Variants in SIAE observed in about 807,000 individuals in gnomAD.
SIAE encodes the protein sialate O-acetylesterase.
Under a neutral mutation model 52.6 loss-of-function variants are expected in SIAE, and 39 were observed. The observed-to-expected ratio is 0.74, with a 90% CI of 0.57 to 0.97. SIAE has a LOEUF of 0.97. Ranked by LOEUF, SIAE falls within the 50% of genes least tolerant of loss-of-function variation. SIAE has a pLI of 0.00. For missense variants in SIAE, 592 were observed against 662.1 expected (o/e 0.89, Z 1.16); for synonymous variants, 233 against 241.4 (o/e 0.97, Z 0.32).
At chr11:124,669,568 A>T in intron 1 of SIAE, 47 bp from the exon 2 acceptor site, 4 of 1,542,362 alleles carry the variant, frequency 2.6e-6, no homozygotes, top group Non-Finnish European at 3.6e-6. Flanking sequence ...GGAGAGATAT[A>T]GCACCAACTG....
chr11:124,639,631 G>GC lies in SIAE; in HGVS notation c.1124+78dup, dbSNP rs1942810853. The GC allele has an allele frequency of 4.5e-5, 71 of 1,585,356 alleles. No individual in the cohort carries two copies. In the South Asian group the frequency reaches 7.5e-4, roughly 17 times the overall value. On this transcript the variant is annotated intron_variant, in intron 8 of 9. Transcript: ENST00000263593. ...TTAAGTGCCAATCCTCAGTCTAATTGCCCCTCACCGGTGAACATCAGAGTG... is the reference window on the plus strand; with the variant it reads ...TTAAGTGCCAATCCTCAGTCTAATTGCCCCCTCACCGGTGAACATCAGAGTG...
At chr11:124,659,912 C>T (rs1565415777) in intron 3 of SIAE, 1 of 152,128 alleles carries the variant, frequency 6.6e-6, no homozygotes, top group African/African-American at 2.4e-5. Context: ...ATAAATTTTT[C>T]AAAAAGAGAT....
chr11:124,646,975 G>C (rs1225368668), intron 7 of SIAE, among the ~76,000 whole-genome samples: 1 of 152,098 alleles, frequency 6.6e-6, no homozygotes, highest in Non-Finnish European at 1.5e-5. Context: ...TACTTTTAGA[G>C]AAAAATGCAA....
upstream of SIAE, chr11:124,675,567 G>T (rs1315430031): frequency 1.4e-6 from 1 of 739,452 alleles, no homozygotes; most frequent in Non-Finnish European, 2.1e-6. Flanking sequence ...GAAACAGTAT[G>T]TACCTCTTTG....
At position 124,636,838 on chromosome 11, in the gene SIAE, C is replaced by G; in HGVS notation, c.*113G>C. 6.9e-7 allele frequency: 1 copy of G among 1,456,218 alleles called. No homozygotes were observed. The highest frequency in any genetic ancestry group is 9.6e-7 in the Non-Finnish European group (1 of 1,040,524). The allele number at this position is 1,456,218 out of a possible 1,614,324, so 90.2% of individuals were successfully genotyped here. A position where few individuals can be genotyped will look rare whatever the true frequency, so the allele number is the denominator to read the frequency against. On this transcript the variant is annotated 3_prime_UTR_variant, in exon 10 of 10. Coordinates refer to ENST00000263593, the MANE Select transcript of SIAE (RefSeq NM_170601.5). Reference sequence around the variant, plus strand: ...AGCCATGTGCTAGCTGAAAGCCATTCAATGAGGCTTTCTATTAATTTCCTT... The same window carrying G: ...AGCCATGTGCTAGCTGAAAGCCATTGAATGAGGCTTTCTATTAATTTCCTT...
At chr11:124,655,874 G>A (rs1174937546) in intron 3 of SIAE, among the ~76,000 whole-genome samples, 1 of 152,038 alleles carries the variant, frequency 6.6e-6, no homozygotes, top group African/African-American at 2.4e-5. Flanking sequence ...TATATGTTAA[G>A]CAACCCTAAT....
intron 2 of SIAE, among the ~76,000 whole-genome samples, chr11:124,662,130 G>A (rs1334645311): frequency 6.6e-6 from 1 of 152,228 alleles, no homozygotes; most frequent in East Asian, 1.9e-4. Flanking sequence ...TCCCTAAGAG[G>A]TTAATTAAAT....
chr11:124,637,587 C>T (rs1942771127), intron 9 of SIAE, among the ~76,000 whole-genome samples: 1 of 152,132 alleles, frequency 6.6e-6, no homozygotes, highest in Admixed American at 6.5e-5. Flanking sequence ...CGCTCTGGCA[C>T]TCCCAGAGCC....
intron 3 of SIAE, chr11:124,659,934 A>T (rs1943161975): frequency 6.6e-6 from 1 of 152,504 alleles, no homozygotes; most frequent in Non-Finnish European, 1.5e-5. Flanking sequence ...AATTGAGTTA[A>T]CGGTCTAGTT....
intron 7 of SIAE, among the ~76,000 whole-genome samples, chr11:124,647,086 T>C (rs1942946108): frequency 6.6e-6 from 1 of 152,244 alleles, no homozygotes; most frequent in Admixed American, 6.5e-5. Flanking sequence ...TTTGCTTATC[T>C]TTTTAATATT....
At chr11:124,657,902 C>G (rs1565414927) in intron 3 of SIAE, among the ~76,000 whole-genome samples, 1 of 152,200 alleles carries the variant, frequency 6.6e-6, no homozygotes, top group Non-Finnish European at 1.5e-5. Flanking sequence ...GGTTTCCCTG[C>G]TGATGAAAGG....
At chr11:124,671,782 G>C (rs1943361007) in intron 1 of SIAE, among the ~76,000 whole-genome samples, 1 of 152,110 alleles carries the variant, frequency 6.6e-6, no homozygotes, top group Admixed American at 6.5e-5. Context: ...GTTTTTTTGA[G>C]ACAGAGTCTT....
rs139285932 is a variant in SIAE at position 124,655,095 on chromosome 11, C to T, written c.406-302G>A. 3.6e-3 allele frequency among the ~76,000 whole-genome samples: 551 copies of T among 152,128 alleles called. 3 individuals are homozygous for T. Among genetic ancestry groups the T allele is most frequent in the African/African-American group, 0.013 (535 of 41,472 alleles). On this transcript the variant is annotated intron_variant, in intron 3 of 9. Transcript: ENST00000263593. Reference sequence around the variant, plus strand: ...AAAGAATATTGCCCAGCACTTACAACACTCTGATACCTTGAAACTGAAATA... The same window carrying T: ...AAAGAATATTGCCCAGCACTTACAATACTCTGATACCTTGAAACTGAAATA...
chr11:124,654,735 A>T lies in SIAE; in HGVS notation c.464T>A (p.Leu155His), dbSNP rs773966216. 6 of 1,614,150 alleles carry T rather than the reference A, an allele frequency of 3.7e-6. No homozygotes were observed. Among genetic ancestry groups the T allele is most frequent in the Non-Finnish European group, 1.7e-6 (2 of 1,180,026 alleles). Residue 155 changes from leucine (L) to histidine (H), a missense_variant, in exon 4 of 10, where the codon CTC becomes CAC. Coordinates refer to ENST00000263593, the MANE Select transcript of SIAE (RefSeq NM_170601.5). ...NTAAYQSVRI[L>H]SVSPIQAEQE... ...CTCTGCTTGAATGGGAGAGACAGAG[A>T]GGATGCGGACAGACTGATATGCCGC...
chr11:124,644,509 C>A (rs760659907), intron 7 of SIAE, among the ~76,000 whole-genome samples: 10 of 152,160 alleles, frequency 6.6e-5, no homozygotes, highest in Non-Finnish European at 1.0e-4. Flanking sequence ...ATACTCGCCA[C>A]ATGGGGGCAC....
chr11:124,658,132 T>C (rs1943128639), intron 3 of SIAE, among the ~76,000 whole-genome samples: 1 of 152,154 alleles, frequency 6.6e-6, no homozygotes, highest in Non-Finnish European at 1.5e-5. Flanking sequence ...GTAACCTTTA[T>C]ACCACATTCT....
At chr11:124,667,423 C>T (rs934810049) in intron 2 of SIAE, among the ~76,000 whole-genome samples, 2 of 152,178 alleles carry the variant, frequency 1.3e-5, no homozygotes, top group African/African-American at 4.8e-5. Flanking sequence ...GAATTAGAAG[C>T]ACTTACCTTA....
At position 124,670,878 on chromosome 11, in the gene SIAE, G is replaced by A. The variant is rs1266914996; in HGVS notation, c.68-1357C>T. 6.6e-6 allele frequency among the ~76,000 whole-genome samples: 1 copy of A among 152,206 alleles called. No individual in the cohort carries two copies. The highest frequency in any genetic ancestry group is 1.9e-4 in the East Asian group (1 of 5,198). On this transcript the variant is annotated intron_variant, in intron 1 of 9. Transcript: ENST00000263593. The surrounding 1 kb of genome is among the most constrained non-coding windows in gnomAD (Gnocchi z 4.5). The stretch of plus-strand genomic sequence containing the variant: ...TCTAAGAAAAGAATACAACGCCCCA[G>A]AATTGCATAAGCAGGTTGGCAGCCT...
rs142360676 is a variant in SIAE at position 124,643,904 on chromosome 11, A to G, written c.966+3461T>C. On this transcript the variant is annotated intron_variant, in intron 7 of 9. Coordinates refer to ENST00000263593, the MANE Select transcript of SIAE (RefSeq NM_170601.5). ...ATGTCTGACCCCATCAGAGGACTGC[A>G]TTTTACACAGACTGTTCCACCCAGC... Among the ~76,000 whole-genome samples the G allele has an allele frequency of 6.5e-3, 990 of 152,214 alleles. 13 individuals carry two copies. The highest frequency in any genetic ancestry group is 0.022 in the African/African-American group (931 of 41,518).
Sources: gnomAD v4.1 joint callset for allele counts (sites outside exome capture counted in the v4.1 genomes callset) on GRCh38, gnomAD v4.1.1 for gene constraint, Gnocchi (gnomAD v3.1) non-coding constraint, MANE v1.5 for transcripts, NCBI Gene and HGNC (gene_info 2026-07-23, HGNC 2026-07-21) for gene names.